The following PPP1R36 variants were observed in gnomAD, a reference collection of about 807,000 sequenced individuals.
PPP1R36 encodes chromosome 14 open reading frame 50.
In PPP1R36, 47 loss-of-function variants were observed where a neutral mutation model predicts 53.4. The observed-to-expected ratio is 0.88, with a 90% CI of 0.70 to 1.12. The LOEUF (loss-of-function observed/expected upper bound fraction) is 1.12. Among genes scored for constraint, PPP1R36 ranks in the 50% most tolerant of loss-of-function variants. The pLI is 0.00. For synonymous variants in PPP1R36, 153 were observed against 170.5 expected, an observed-to-expected ratio of 0.90 and a Z score of 0.80; for missense variants, 456 against 513.9, an observed-to-expected ratio of 0.89 and a Z score of 1.09.
At chr14:64,580,409 C>G (rs1269053496) in intron 8 of PPP1R36, among the ~76,000 whole-genome samples, 1 of 152,148 alleles carries the variant, frequency 6.6e-6, no homozygotes, top group East Asian at 1.9e-4. Flanking sequence ...ACAATTATAC[C>G]ATAATTAGAG....
At position 64,588,204 on chromosome 14, in the gene PPP1R36, G is replaced by A. The variant is rs749417812; in HGVS notation, c.991G>A (p.Val331Ile). 1.6e-5 allele frequency: 26 copies of A among 1,613,908 alleles called. No homozygotes were observed. The highest frequency in any genetic ancestry group is 1.1e-4 in the East Asian group (5 of 44,882). Reference sequence around the variant, plus strand: ...ATCTCTCAGAGAAAAAGCTCAAAACGTCTTTGAGAAAAAGTATCATCAAGT... The same window carrying A: ...ATCTCTCAGAGAAAAAGCTCAAAACATCTTTGAGAAAAAGTATCATCAAGT... Reference protein sequence around the residue: ...LPSLREKAQNVFEKKYHQVDV... With the variant: ...LPSLREKAQNIFEKKYHQVDV... Residue 331 changes from valine to isoleucine, a missense_variant, in exon 11 of 12, where the codon GTC becomes ATC. Coordinates refer to ENST00000298705, the MANE Select transcript of PPP1R36 (RefSeq NM_172365.3).
intron 2 of PPP1R36, 92 bp downstream of exon 2, chr14:64,551,077 C>A: frequency 6.5e-6 from 5 of 770,864 alleles, no homozygotes; most frequent in Non-Finnish European, 6.3e-6. Flanking sequence ...AGAATAAATA[C>A]CCACTGAACC....
intron 7 of PPP1R36, among the ~76,000 whole-genome samples, chr14:64,569,398 A>G (rs1445664583): frequency 6.6e-6 from 1 of 152,246 alleles, no homozygotes; most frequent in Non-Finnish European, 1.5e-5. Flanking sequence ...TTGGAAAAAC[A>G]TCTTATGGAT....
At chr14:64,556,567 G>T (rs1005456703) in intron 3 of PPP1R36, among the ~76,000 whole-genome samples, 3 of 151,270 alleles carry the variant, frequency 2.0e-5, no homozygotes, top group Middle Eastern at 3.5e-3. Flanking sequence ...TTTGAGACCA[G>T]CCTGGGCAAC....
At chr14:64,556,316 T>A (rs2080151314) in intron 3 of PPP1R36, among the ~76,000 whole-genome samples, 1 of 151,782 alleles carries the variant, frequency 6.6e-6, no homozygotes, top group South Asian at 2.1e-4. Context: ...TTGCCCAGGC[T>A]GGTCTCAAAC....
chr14:64,554,964 A>T (rs1382039026), intron 3 of PPP1R36, among the ~76,000 whole-genome samples: 2 of 152,118 alleles, frequency 1.3e-5, no homozygotes, highest in Non-Finnish European at 2.9e-5. Context: ...CAAGTGCAAA[A>T]TTAGGGTGGG....
intron 7 of PPP1R36, among the ~76,000 whole-genome samples, chr14:64,569,676 C>T (rs1367629134): frequency 1.3e-5 from 2 of 151,634 alleles, no homozygotes; most frequent in African/African-American, 2.4e-5. Flanking sequence ...ATTTTTTTAT[C>T]GTATTTCCTC....
intron 3 of PPP1R36, among the ~76,000 whole-genome samples, chr14:64,560,827 T>C (rs576948318): frequency 2.6e-5 from 4 of 152,324 alleles, no homozygotes; most frequent in Admixed American, 2.0e-4. Flanking sequence ...CAGTGTTCAA[T>C]AGACTGATGT....
At chr14:64,572,791 T>G (rs1387920325) in intron 7 of PPP1R36, among the ~76,000 whole-genome samples, 1 of 152,160 alleles carries the variant, frequency 6.6e-6, no homozygotes, top group Non-Finnish European at 1.5e-5. Context: ...TGGCTGTAGT[T>G]TGATTTGGTT....
intron 3 of PPP1R36, 70 bp downstream of exon 3, chr14:64,552,931 C>T: frequency 4.5e-6 from 6 of 1,345,430 alleles, no homozygotes; most frequent in Non-Finnish European, 5.3e-6. Context: ...AGTCAAAATA[C>T]ATGTTAAAGC....
At chr14:64,576,342 A>G (rs1474835298) in intron 8 of PPP1R36, among the ~76,000 whole-genome samples, 2 of 151,986 alleles carry the variant, frequency 1.3e-5, no homozygotes, top group Non-Finnish European at 2.9e-5. Context: ...CAGCCTCCCA[A>G]AGTGCTGGGA....
intron 8 of PPP1R36, among the ~76,000 whole-genome samples, chr14:64,581,188 G>A (rs995235540): frequency 6.6e-6 from 1 of 152,164 alleles, no homozygotes; most frequent in Non-Finnish European, 1.5e-5. Context: ...ATTTTGAAGC[G>A]GGGCCTTACA....
At chr14:64,567,744 C>G (rs1476951939) in intron 6 of PPP1R36, among the ~76,000 whole-genome samples, 1 of 152,148 alleles carries the variant, frequency 6.6e-6, no homozygotes, top group African/African-American at 2.4e-5. Flanking sequence ...TCATTGCAAC[C>G]TCCACCTCCT....
At position 64,587,337 on chromosome 14, in the gene PPP1R36, A is replaced by G. The variant is rs746227526; in HGVS notation, c.855A>G (p.Gly285=). Residue 285 remains glycine, a synonymous_variant, in exon 10 of 12, where the codon GGA becomes GGG. Coordinates refer to ENST00000298705, the MANE Select transcript of PPP1R36 (RefSeq NM_172365.3). ...PRRRREDEES[G]GEKKRMTFVQ... The stretch of plus-strand genomic sequence containing the variant: ...GGAGGCGTGAAGATGAGGAATCAGG[A>G]GGGGAAAAGAAACGCATGACTTTTG... 1 of 1,610,206 alleles carries G rather than the reference A, an allele frequency of 6.2e-7. No homozygotes were observed. The highest frequency in any genetic ancestry group is 8.5e-7 in the Non-Finnish European group (1 of 1,177,926).
chr14:64,586,657 G>A (rs569385270), intron 8 of PPP1R36, 180 bp from the exon 9 acceptor site: 38 of 499,832 alleles, frequency 7.6e-5, no homozygotes, highest in African/African-American at 1.4e-4. Flanking sequence ...TCTGGGTAAC[G>A]TAGGAGGTTG....
intron 8 of PPP1R36, among the ~76,000 whole-genome samples, chr14:64,583,214 A>G (rs1156750623): frequency 6.6e-6 from 1 of 151,520 alleles, no homozygotes; most frequent in Non-Finnish European, 1.5e-5. Context: ...TGCCAGGCCA[A>G]TTTTGTTATT....
intron 3 of PPP1R36, among the ~76,000 whole-genome samples, chr14:64,558,456 G>A (rs1318195263): frequency 2.6e-5 from 4 of 151,966 alleles, no homozygotes; most frequent in African/African-American, 9.7e-5. Context: ...GTGTGTGCCT[G>A]TGGTTCCAGA....
chr14:64,577,829 T>C (rs1448350424), intron 8 of PPP1R36, among the ~76,000 whole-genome samples: 3 of 146,638 alleles, frequency 2.0e-5, no homozygotes, highest in Non-Finnish European at 4.5e-5. Context: ...GGGTTCACGC[T>C]GTTCTCCTGC....
At chr14:64,579,358 G>A (rs1246366972) in intron 8 of PPP1R36, among the ~76,000 whole-genome samples, 1 of 152,188 alleles carries the variant, frequency 6.6e-6, no homozygotes, top group East Asian at 1.9e-4. Context: ...GTGAGGTATA[G>A]TAGTAGATTT....
Sources: gnomAD v4.1 joint callset for allele counts (sites outside exome capture counted in the v4.1 genomes callset) on GRCh38, gnomAD v4.1.1 for gene constraint, MANE v1.5 for transcripts, NCBI Gene and HGNC (gene_info 2026-07-23, HGNC 2026-07-21) for gene names.